Variants in CDH18 observed in about 807,000 individuals in gnomAD.
CDH18 encodes the protein cadherin 18.
A neutral mutation model predicts 67.9 loss-of-function variants in CDH18; 31 were observed. The observed-to-expected ratio is 0.46, with a 90% CI of 0.34 to 0.62. The LOEUF is 0.62. Ranked by LOEUF, CDH18 falls within the 20% of genes least tolerant of loss-of-function variation. The probability of loss-of-function intolerance (pLI) is 0.01; values close to 1 mark genes in which losing one functional copy is unlikely to be tolerated. For missense variants in CDH18, 890 were observed against 975.5 expected, an observed-to-expected ratio of 0.91 and a Z score of 1.17; for synonymous variants, 362 against 347.2, an observed-to-expected ratio of 1.04 and a Z score of -0.48.
chr5:20,284,867 T>C (rs1746565501), intron 1 of CDH18, among the ~76,000 whole-genome samples: 1 of 151,954 alleles, frequency 6.6e-6, no homozygotes, highest in South Asian at 2.1e-4. Flanking sequence ...TTCATAGCCA[T>C]AGTGTAGAAG....
intron 5 of CDH18, among the ~76,000 whole-genome samples, chr5:19,636,319 T>C (rs1364401315): frequency 6.6e-6 from 1 of 152,052 alleles, no homozygotes; most frequent in East Asian, 1.9e-4. Context: ...TCTACATAAT[T>C]AACATATATA....
At chr5:20,013,419 T>C (rs1015015659) in intron 2 of CDH18, among the ~76,000 whole-genome samples, 5 of 152,098 alleles carry the variant, frequency 3.3e-5, no homozygotes, top group Non-Finnish European at 7.4e-5. Context: ...AGTTATCCGT[T>C]GTAGCTCAAA....
intron 2 of CDH18, among the ~76,000 whole-genome samples, chr5:19,857,668 T>C (rs1784454591): frequency 6.6e-6 from 1 of 152,118 alleles, no homozygotes; most frequent in Admixed American, 6.6e-5. Flanking sequence ...TAAATAAGTA[T>C]ATAAACTGAA....
intron 1 of CDH18, among the ~76,000 whole-genome samples, chr5:20,456,914 T>C (rs1259287326): frequency 6.6e-6 from 1 of 152,192 alleles, no homozygotes; most frequent in Admixed American, 6.6e-5. Flanking sequence ...TTTCCAAGAA[T>C]GTCGGGTTGA....
chr5:19,696,061 C>A (rs994708205), intron 5 of CDH18, among the ~76,000 whole-genome samples: 4 of 151,992 alleles, frequency 2.6e-5, no homozygotes, highest in African/African-American at 9.7e-5. Context: ...AAACTTATAT[C>A]TTGATTGATG....
chr5:20,390,980 G>C (rs1429691263), intron 1 of CDH18, among the ~76,000 whole-genome samples: 2 of 151,954 alleles, frequency 1.3e-5, no homozygotes, highest in African/African-American at 4.8e-5. Flanking sequence ...ACTGGGGCCT[G>C]TTGTGGGGTG....
At chr5:19,957,308 G>GTATATA (rs997883925) in intron 2 of CDH18, among the ~76,000 whole-genome samples, 1 of 150,588 alleles carries the variant, frequency 6.6e-6, no homozygotes, top group African/African-American at 2.4e-5. Context: ...ATATGTATGT[G>GTATATA]TATATATATG....
chr5:20,498,754 G>T (rs753415086), intron 1 of CDH18, among the ~76,000 whole-genome samples: 3 of 151,964 alleles, frequency 2.0e-5, no homozygotes, highest in Non-Finnish European at 4.4e-5. Flanking sequence ...GATAATTAAA[G>T]TGAGCTTGTA....
chr5:19,788,202 A>G (rs1776014054), intron 3 of CDH18, among the ~76,000 whole-genome samples: 2 of 152,190 alleles, frequency 1.3e-5, no homozygotes, highest in Admixed American at 1.3e-4. Context: ...AGAACTGGTA[A>G]TTAAGCAATT....
chr5:19,957,143 C>T (rs1796330893), intron 2 of CDH18, among the ~76,000 whole-genome samples: 1 of 151,876 alleles, frequency 6.6e-6, no homozygotes, highest in East Asian at 1.9e-4. Context: ...CATCTCTAAT[C>T]TCTTTCTCTG....
intron 2 of CDH18, among the ~76,000 whole-genome samples, chr5:20,196,300 C>G (rs74584358): frequency 6.6e-6 from 1 of 152,038 alleles, no homozygotes. Flanking sequence ...AATATATATA[C>G]TTTTAAAACT....
At chr5:20,464,058 T>A (rs76893652) in intron 1 of CDH18, among the ~76,000 whole-genome samples, 3,817 of 152,220 alleles carry the variant, frequency 0.025, 153 homozygotes, top group African/African-American at 0.086. Context: ...TTCCTTGTAC[T>A]ATTTAATCCA....
chr5:19,923,162 T>G (rs1792691609), intron 2 of CDH18, among the ~76,000 whole-genome samples: 1 of 152,134 alleles, frequency 6.6e-6, no homozygotes, highest in Non-Finnish European at 1.5e-5. Context: ...CACATGAGGC[T>G]CTTTAACTGA....
intron 2 of CDH18, among the ~76,000 whole-genome samples, chr5:20,238,852 T>A (rs1195030763): frequency 2.0e-5 from 3 of 152,132 alleles, no homozygotes; most frequent in Admixed American, 2.0e-4. Flanking sequence ...ATAAAGGCTA[T>A]GAATATTTCC....
intron 3 of CDH18, among the ~76,000 whole-genome samples, chr5:19,834,901 G>T (rs185972555): frequency 6.6e-6 from 1 of 152,166 alleles, no homozygotes; most frequent in East Asian, 1.9e-4. Flanking sequence ...AGAGAAATAG[G>T]AACACATTTA....
At chr5:20,033,493 A>G (rs1038562886) in intron 2 of CDH18, among the ~76,000 whole-genome samples, 35 of 152,060 alleles carry the variant, frequency 2.3e-4, no homozygotes, top group Non-Finnish European at 4.0e-4. Context: ...TAGTCTCAAC[A>G]TTTCTGCCTT....
intron 2 of CDH18, among the ~76,000 whole-genome samples, chr5:20,211,909 C>A (rs1740384081): frequency 6.6e-6 from 1 of 152,118 alleles, no homozygotes; most frequent in Admixed American, 6.6e-5. Flanking sequence ...AGCAATGGAA[C>A]AGAGCTGGAT....
intron 1 of CDH18, among the ~76,000 whole-genome samples, chr5:20,560,057 G>A (rs1758115449): frequency 6.6e-6 from 1 of 152,094 alleles, no homozygotes; most frequent in Non-Finnish European, 1.5e-5. Context: ...ATATGCTCCA[G>A]TGAACCAAGC....
intron 1 of CDH18, among the ~76,000 whole-genome samples, chr5:20,446,962 C>T (rs1157754795): frequency 6.6e-6 from 1 of 152,160 alleles, no homozygotes; most frequent in African/African-American, 2.4e-5. Context: ...AGAAAATTTC[C>T]TGCCTGTGGC....
Sources: allele counts gnomAD v4.1 joint callset (sites outside exome capture counted in the v4.1 genomes callset), GRCh38; gene constraint gnomAD v4.1.1; transcripts MANE v1.5; gene names NCBI Gene and HGNC (gene_info 2026-07-23, HGNC 2026-07-21).